Variants in LUZP2 observed in about 807,000 individuals in gnomAD.
LUZP2 encodes the protein leucine zipper protein 2.
Under a neutral mutation model 51.6 loss-of-function variants are expected in LUZP2, and 52 were observed. The ratio of observed to expected loss-of-function variants is 1.01; its 90% CI spans 0.81 to 1.27. LUZP2 has a LOEUF of 1.27. Among genes scored for constraint, LUZP2 ranks in the 50% most tolerant of loss-of-function variants. The probability of loss-of-function intolerance (pLI) is 0.00; values close to 1 mark genes in which losing one functional copy is unlikely to be tolerated. For missense variants in LUZP2, 436 were observed against 395.4 expected (o/e 1.10, Z -0.87); for synonymous variants, 154 against 137.3 (o/e 1.12, Z -0.85).
chr11:24,776,427 C>G (rs1590504547), intron 5 of LUZP2, among the ~76,000 whole-genome samples: 2 of 152,136 alleles, frequency 1.3e-5, no homozygotes, highest in East Asian at 1.9e-4. Context: ...TGAAATTTAC[C>G]CTACTCAAAA....
At chr11:25,008,875 A>T (rs534574416) in intron 9 of LUZP2, among the ~76,000 whole-genome samples, 1 of 152,180 alleles carries the variant, frequency 6.6e-6, no homozygotes, top group South Asian at 2.1e-4. Context: ...GCCTGGGAAA[A>T]ATACCATTCA....
chr11:25,001,030 G>A (rs1334590426), intron 9 of LUZP2, among the ~76,000 whole-genome samples: 1 of 152,104 alleles, frequency 6.6e-6, no homozygotes, highest in East Asian at 1.9e-4. Context: ...CTGCGCTGAT[G>A]GACTTGAGCT....
At chr11:24,785,577 T>C (rs1849222166) in intron 5 of LUZP2, among the ~76,000 whole-genome samples, 1 of 151,526 alleles carries the variant, frequency 6.6e-6, no homozygotes, top group South Asian at 2.1e-4. Flanking sequence ...ATAAGAAGAG[T>C]ATGACATTTC....
intron 4 of LUZP2, among the ~76,000 whole-genome samples, chr11:24,747,767 G>C (rs10834473): frequency 0.19 from 29,427 of 151,902 alleles, 3,080 homozygotes; most frequent in African/African-American, 0.27. Flanking sequence ...GTTCCCAGGT[G>C]ACTGGAGTTG....
chr11:24,963,881 C>T (rs1406372521), intron 7 of LUZP2, among the ~76,000 whole-genome samples: 2 of 152,144 alleles, frequency 1.3e-5, no homozygotes, highest in Non-Finnish European at 2.9e-5. Flanking sequence ...AGCTGTAGAC[C>T]GGAGCTGTTC....
chr11:25,077,550 A>G, intron 11 of LUZP2, 144 bp downstream of exon 11: 1 of 229,544 alleles, frequency 4.4e-6, no homozygotes, highest in Non-Finnish European at 7.6e-6. Context: ...CCCAGGCTGG[A>G]GTGCAGTGGC....
intron 1 of LUZP2, among the ~76,000 whole-genome samples, chr11:24,524,358 C>T (rs1228105990): frequency 6.6e-6 from 1 of 151,638 alleles, no homozygotes; most frequent in African/African-American, 2.4e-5. Context: ...CTCATGAGAA[C>T]GCAAGTTTTG....
intron 5 of LUZP2, among the ~76,000 whole-genome samples, chr11:24,815,366 C>T (rs938166101): frequency 2.0e-5 from 3 of 152,058 alleles, no homozygotes; most frequent in Non-Finnish European, 4.4e-5. Context: ...AAAGAAATTA[C>T]GAAGTATATC....
At chr11:24,877,469 C>T (rs148639256) in intron 5 of LUZP2, among the ~76,000 whole-genome samples, 2 of 151,860 alleles carry the variant, frequency 1.3e-5, no homozygotes, top group Non-Finnish European at 1.5e-5. Flanking sequence ...TTTATGGGTA[C>T]ATAGTAAGTA....
At chr11:24,598,682 G>A (rs972895533) in intron 1 of LUZP2, among the ~76,000 whole-genome samples, 4 of 152,060 alleles carry the variant, frequency 2.6e-5, no homozygotes, top group Admixed American at 2.6e-4. Context: ...TGACTCCAAG[G>A]CATATTATTA....
chr11:24,969,517 C>T (rs1855685929), intron 7 of LUZP2, among the ~76,000 whole-genome samples: 1 of 151,998 alleles, frequency 6.6e-6, no homozygotes, highest in Non-Finnish European at 1.5e-5. Flanking sequence ...TTTATCCCAG[C>T]AACAATGTAT....
At chr11:24,502,017 C>T (rs948775212) in intron 1 of LUZP2, among the ~76,000 whole-genome samples, 1 of 152,110 alleles carries the variant, frequency 6.6e-6, no homozygotes, top group African/African-American at 2.4e-5. Context: ...CCTCTCTATC[C>T]AGTTTTCTGA....
At chr11:24,842,533 A>C (rs914619520) in intron 5 of LUZP2, among the ~76,000 whole-genome samples, 6 of 151,876 alleles carry the variant, frequency 4.0e-5, no homozygotes, top group African/African-American at 1.4e-4. Flanking sequence ...TGACCTCTGT[A>C]CTCAACAATT....
In LUZP2 at chr11:25,059,042, G is replaced by C. The variant is rs139342775; in HGVS notation, c.858+8912G>C. ...TTTGCTTGTTTTTAGCCTATAGCTT[G>C]TCCCATCTCTTATTTAAATATGCAG... On this transcript the variant is annotated intron_variant, in intron 10 of 11. Coordinates refer to ENST00000336930, the MANE Select transcript of LUZP2 (RefSeq NM_001009909.4). 4.2e-3 allele frequency among the ~76,000 whole-genome samples: 638 copies of C among 152,154 alleles called. 2 individuals carry two copies. Among genetic ancestry groups the C allele is most frequent in the African/African-American group, 0.014 (586 of 41,496 alleles).
intron 4 of LUZP2, among the ~76,000 whole-genome samples, chr11:24,758,667 A>G (rs1264832115): frequency 2.0e-5 from 3 of 152,054 alleles, no homozygotes; most frequent in Admixed American, 2.0e-4. Flanking sequence ...AAATTGGGGC[A>G]AATTTTGGAT....
At chr11:24,681,353 A>C (rs1856732307) in intron 1 of LUZP2, among the ~76,000 whole-genome samples, 1 of 152,174 alleles carries the variant, frequency 6.6e-6, no homozygotes, top group Non-Finnish European at 1.5e-5. Flanking sequence ...ACATTCATTC[A>C]TAGAGACATT....
At chr11:24,544,510 A>C (rs1851480730) in intron 1 of LUZP2, among the ~76,000 whole-genome samples, 1 of 152,058 alleles carries the variant, frequency 6.6e-6, no homozygotes, top group Admixed American at 6.6e-5. Flanking sequence ...CTCATCATTT[A>C]GCTCCCTAGT....
intron 1 of LUZP2, among the ~76,000 whole-genome samples, chr11:24,680,972 TA>T (rs1158134128): frequency 1.1e-3 from 67 of 61,218 alleles, no homozygotes; most frequent in African/African-American, 2.4e-3. Context: ...TTTCTTTCTT[TA>T]TTTTTTTTTT....
intron 1 of LUZP2, among the ~76,000 whole-genome samples, chr11:24,672,062 A>C (rs1160039009): frequency 6.6e-6 from 1 of 152,108 alleles, no homozygotes; most frequent in Non-Finnish European, 1.5e-5. Flanking sequence ...TAACTGAGAG[A>C]TGTCTCTCAT....
Sources: allele counts gnomAD v4.1 joint callset (sites outside exome capture counted in the v4.1 genomes callset), GRCh38; gene constraint gnomAD v4.1.1; transcripts MANE v1.5; gene names NCBI Gene and HGNC (gene_info 2026-07-23, HGNC 2026-07-21).